CDH13: variants seen among roughly 807,000 people sequenced by gnomAD.
CDH13 encodes cadherin-13.
A neutral mutation model predicts 63.8 loss-of-function variants in CDH13; 24 were observed. The observed-to-expected ratio is 0.38, with a 90% CI of 0.27 to 0.53. CDH13 has a LOEUF of 0.53. CDH13 is among the 20% of genes least tolerant of loss of function. The pLI, the probability that CDH13 is intolerant of heterozygous loss-of-function variation, is 0.85. For missense variants in CDH13, 1,049 were observed against 903.1 expected (o/e 1.16, Z -2.07); for synonymous variants, 503 against 355.3 (o/e 1.42, Z -4.67).
chr16:82,700,385 G>C (rs2030838425), intron 1 of CDH13, among the ~76,000 whole-genome samples: 1 of 152,180 alleles, frequency 6.6e-6, no homozygotes, highest in Non-Finnish European at 1.5e-5. Context: ...ATGCAGAGGA[G>C]ATTTTTGAAA....
At chr16:83,544,631 C>A (rs976012578) in intron 7 of CDH13, among the ~76,000 whole-genome samples, 1 of 152,092 alleles carries the variant, frequency 6.6e-6, no homozygotes, top group Non-Finnish European at 1.5e-5. Flanking sequence ...CAGAAAAAGA[C>A]TAGAATTCAA....
At chr16:83,293,579 C>A (rs977808360) in intron 5 of CDH13, among the ~76,000 whole-genome samples, 1 of 152,132 alleles carries the variant, frequency 6.6e-6, no homozygotes, top group Non-Finnish European at 1.5e-5. Flanking sequence ...TTATTTCTAT[C>A]TCAGGGATAG....
At chr16:82,896,874 A>G (rs1334596304) in intron 2 of CDH13, among the ~76,000 whole-genome samples, 1 of 134,652 alleles carries the variant, frequency 7.4e-6, no homozygotes, top group Non-Finnish European at 1.5e-5. Flanking sequence ...TCCGCCTCCC[A>G]GGTTCACAGC....
chr16:82,849,446 G>A (rs1322670832), intron 1 of CDH13, among the ~76,000 whole-genome samples: 1 of 152,112 alleles, frequency 6.6e-6, no homozygotes, highest in African/African-American at 2.4e-5. Flanking sequence ...AGGTTTCAGT[G>A]AGCTGAGATC....
intron 7 of CDH13, among the ~76,000 whole-genome samples, chr16:83,588,736 G>A (rs879933031): frequency 6.6e-6 from 1 of 152,342 alleles, no homozygotes; most frequent in Admixed American, 6.5e-5. Context: ...GAAGGAAAAG[G>A]TCTGGTTGAC....
intron 3 of CDH13, among the ~76,000 whole-genome samples, chr16:83,058,487 A>T (rs1381207652): frequency 1.3e-5 from 2 of 152,158 alleles, no homozygotes; most frequent in Non-Finnish European, 2.9e-5. Context: ...CTCACTGATG[A>T]CAGGGGCGTC....
At chr16:83,338,645 G>C (rs2151353038) in intron 5 of CDH13, among the ~76,000 whole-genome samples, 1 of 152,336 alleles carries the variant, frequency 6.6e-6, no homozygotes, top group East Asian at 1.9e-4. Context: ...GAGGAGTAAG[G>C]GAGGCTCTTC....
chr16:82,946,349 A>G (rs1293029634), intron 2 of CDH13, among the ~76,000 whole-genome samples: 3 of 152,140 alleles, frequency 2.0e-5, no homozygotes, highest in Admixed American at 2.0e-4. Context: ...AAGTAGTAAT[A>G]TTACTTATGA....
intron 3 of CDH13, among the ~76,000 whole-genome samples, chr16:83,052,801 A>AAAAAAAAAAAAAAAAAAAAAAAAG (rs1555571697): frequency 8.2e-6 from 1 of 122,656 alleles, no homozygotes; most frequent in African/African-American, 3.3e-5. Context: ...AAAAAAAAAA[A>AAAAAAAAAAAAAAAAAAAAAAAAG]AAAGAAAGAA....
chr16:82,668,277 C>G (rs1029975236), intron 1 of CDH13, among the ~76,000 whole-genome samples: 1 of 152,116 alleles, frequency 6.6e-6, no homozygotes, highest in East Asian at 1.9e-4. Context: ...GCCTTCTAGG[C>G]TGGGAAGGCA....
At chr16:83,522,149 G>A (rs560677011) in intron 7 of CDH13, among the ~76,000 whole-genome samples, 2 of 152,220 alleles carry the variant, frequency 1.3e-5, no homozygotes, top group Admixed American at 6.5e-5. Context: ...GTTTAGAGGA[G>A]CCAGCTCTGG....
intron 1 of CDH13, among the ~76,000 whole-genome samples, chr16:82,697,801 G>A (rs2030522092): frequency 6.6e-6 from 1 of 150,392 alleles, no homozygotes; most frequent in Non-Finnish European, 1.5e-5. Flanking sequence ...GTTTTTTCAT[G>A]AATTCAAAAC....
chr16:83,786,802 G>C (rs1915915236), intron 13 of CDH13, among the ~76,000 whole-genome samples: 1 of 152,038 alleles, frequency 6.6e-6, no homozygotes, highest in South Asian at 2.1e-4. Flanking sequence ...TGTCCAGGCT[G>C]GTCTCAAACC....
At chr16:83,621,696 AG>A (rs1909836039) in intron 8 of CDH13, among the ~76,000 whole-genome samples, 1 of 151,696 alleles carries the variant, frequency 6.6e-6, no homozygotes, top group Admixed American at 6.6e-5. Context: ...CATGTTGGCC[AG>A]GCTGGTCTGG....
intron 6 of CDH13, among the ~76,000 whole-genome samples, chr16:83,430,584 G>T (rs1273792289): frequency 6.6e-6 from 1 of 152,002 alleles, no homozygotes; most frequent in African/African-American, 2.4e-5. Context: ...CTTATCCATA[G>T]AATTTCCAAG....
chr16:82,894,935 TG>T (rs970038436), intron 2 of CDH13, among the ~76,000 whole-genome samples: 2 of 152,092 alleles, frequency 1.3e-5, no homozygotes, highest in Admixed American at 6.5e-5. Flanking sequence ...AGGTGGCGGA[TG>T]GGAAAGGTGG....
rs1555523731 is a variant in CDH13, at chr16:82,818,139, T to TGTGTGTGTGTGTGTGTGTGTG, written c.46-40223_46-40222insGTGTGTGTGTGTGTGTGTGTG. Among the ~76,000 whole-genome samples, 801 of 151,396 alleles carry TGTGTGTGTGTGTGTGTGTGTG rather than the reference T, an allele frequency of 5.3e-3. 6 individuals are homozygous for TGTGTGTGTGTGTGTGTGTGTG. Among genetic ancestry groups the TGTGTGTGTGTGTGTGTGTGTG allele is most frequent in the African/African-American group, 0.019 (764 of 41,138 alleles). The stretch of plus-strand genomic sequence containing the variant: ...TTGTGTGTGTGTGTGTGTGTGTGTG[T>TGTGTGTGTGTGTGTGTGTGTG]TTTGGGAAGACTAATTACTCCAGGA... On this transcript the variant is annotated intron_variant, in intron 1 of 13. Coordinates refer to ENST00000567109, the MANE Select transcript of CDH13 (RefSeq NM_001257.5).
At chr16:83,787,060 C>G (rs896367526) in intron 13 of CDH13, among the ~76,000 whole-genome samples, 1 of 152,202 alleles carries the variant, frequency 6.6e-6, no homozygotes, top group Non-Finnish European at 1.5e-5. Context: ...CACAAACTGA[C>G]ACATACACTC....
chr16:83,234,407 G>A (rs2040087351), intron 5 of CDH13, among the ~76,000 whole-genome samples: 2 of 152,134 alleles, frequency 1.3e-5, no homozygotes, highest in South Asian at 4.1e-4. Flanking sequence ...CTGCCCCAAG[G>A]CCCTTTTGTC....
Sources: allele counts gnomAD v4.1 joint callset (sites outside exome capture counted in the v4.1 genomes callset), GRCh38; gene constraint gnomAD v4.1.1; transcripts MANE v1.5; gene names NCBI Gene and HGNC (gene_info 2026-07-23, HGNC 2026-07-21).